The following GPR162 variants were observed in gnomAD, a reference collection of about 807,000 sequenced individuals.
The protein encoded by GPR162 is probable G protein-coupled receptor 162.
A neutral mutation model predicts 44.9 loss-of-function variants in GPR162; 26 were observed. That is an observed-to-expected ratio of 0.58 (90% CI 0.42 to 0.80). The LOEUF is 0.80. GPR162 is among the 30% of genes least tolerant of loss of function. The pLI, the probability that GPR162 is intolerant of heterozygous loss-of-function variation, is 0.00. For missense variants in GPR162, 704 were observed against 802.3 expected (o/e 0.88, Z 1.48); for synonymous variants, 363 against 335.2 (o/e 1.08, Z -0.91).
Position 6,826,791 on chromosome 12 carries a change from C to A in GPR162, c.1354C>A (p.Pro452Thr). The A allele has an allele frequency of 6.2e-7, 1 of 1,609,534 alleles. No individual in the cohort carries two copies. Reference protein sequence around the residue: ...LPAQSRALGGPPEYLGQRHRL... With the variant: ...LPAQSRALGGTPEYLGQRHRL... ...AGCCCAGAGCCGGGCCCTCGGGGGT[C>A]CTCCTGAGTACCTGGGACAAAGACA... The change falls in exon 5 of 5, where the codon CCT becomes ACT. Residue 452 changes from proline to threonine, a missense_variant. Physicochemically the swap from Pro to Thr is conservative, Grantham distance 38 (BLOSUM62 -1). Transcript: ENST00000311268.
In GPR162 at chr12:6,824,100, A is replaced by G; in HGVS notation, c.202A>G (p.Thr68Ala). The part of the protein sequence containing the change: ...THILMAAVPL[T>A]TFAVVQLRRQ... ...CATACTCATGGCAGCTGTGCCCCTC[A>G]CCACCTTTGCCGTGGTGCAGCTGCG... Residue 68 changes from threonine (T) to alanine (A), a missense_variant, in exon 2 of 5, where the codon ACC becomes GCC. Thr to Ala is a moderately conservative substitution (Grantham distance 58, BLOSUM62 0). Coordinates refer to ENST00000311268, the MANE Select transcript of GPR162 (RefSeq NM_019858.2). The G allele has an allele frequency of 6.2e-7, 1 of 1,613,966 alleles. No individual in the cohort carries two copies. Among genetic ancestry groups the G allele is most frequent in the Non-Finnish European group, 8.5e-7 (1 of 1,180,020 alleles).
At position 6,823,582 on chromosome 12, in the gene GPR162, C is replaced by T. The variant is rs1210785565; in HGVS notation, c.-317C>T. 13 of 549,080 alleles carry T rather than the reference C, an allele frequency of 2.4e-5. No homozygotes were observed. Among genetic ancestry groups the T allele is most frequent in the Non-Finnish European group, 2.2e-5 (7 of 311,204 alleles). The allele number at this position is 549,080 out of a possible 1,614,324, so 34.0% of individuals were successfully genotyped here. A position where few individuals can be genotyped will look rare whatever the true frequency, so the allele number is the denominator to read the frequency against. ...GAAGTCCCAGCATGGGGACCAGAAC[C>T]CCCCAGCCAGCCTCATAGTTGGGAA... On this transcript the variant is annotated 5_prime_UTR_variant, in exon 2 of 5. Coordinates refer to ENST00000311268, the MANE Select transcript of GPR162 (RefSeq NM_019858.2).
Position 6,822,851 on chromosome 12 carries a change from T to C in GPR162, c.-431-617T>C, listed in dbSNP as rs1555119387. Among the ~76,000 whole-genome samples the C allele has an allele frequency of 6.6e-6, 1 of 152,064 alleles. No individual in the cohort carries two copies. Among genetic ancestry groups the C allele is most frequent in the African/African-American group, 2.4e-5 (1 of 41,442 alleles). On this transcript the variant is annotated intron_variant, in intron 1 of 4. Coordinates refer to ENST00000311268, the MANE Select transcript of GPR162 (RefSeq NM_019858.2). This position sits in a 1 kb window ranked among gnomAD's most constrained non-coding sequence, Gnocchi z 4.2. Reference sequence around the variant, plus strand: ...CTGCTCAAACTCTCCTCCTTCTCCCTAGTTCCCCCTCTTTCCATTTCTGGA... The same window carrying C: ...CTGCTCAAACTCTCCTCCTTCTCCCCAGTTCCCCCTCTTTCCATTTCTGGA...
In GPR162 at chr12:6,827,148, G is replaced by A; in HGVS notation, c.1711G>A (p.Ala571Thr). The change falls in exon 5 of 5, where the codon GCT (alanine) becomes ACT (threonine). Residue 571 changes from alanine (A) to threonine (T), a missense_variant. By Grantham distance (58) the Ala-to-Thr change is moderately conservative (BLOSUM62 0). Transcript: ENST00000311268. ...GACGGGGGGTGAAGAAAGTGCAAGGGCTTGGGGAGGATCCTGGGGCCCAGG... is the reference window on the plus strand; with the variant it reads ...GACGGGGGGTGAAGAAAGTGCAAGGACTTGGGGAGGATCCTGGGGCCCAGG... ...SLTGGEESAR[A>T]WGGSWGPGNP... is the part of the protein sequence containing the mutation. 1.9e-6 allele frequency: 3 copies of A among 1,613,132 alleles called. No individual in the cohort carries two copies. Among genetic ancestry groups the A allele is most frequent in the Non-Finnish European group, 2.5e-6 (3 of 1,179,950 alleles).
chr12:6,825,299 C>T (rs1457762154), intron 2 of GPR162, 185 bp from the exon 3 acceptor site: 24 of 600,750 alleles, frequency 4.0e-5, no homozygotes, highest in African/African-American at 7.4e-5. Context: ...GCACTCTCCC[C>T]GACCTTCCTC....
In GPR162 at chr12:6,826,874, T is replaced by C. The variant is rs1943367800; in HGVS notation, c.1437T>C (p.Leu479=). 2 of 1,613,092 alleles carry C rather than the reference T, an allele frequency of 1.2e-6. No individual in the cohort carries two copies. The highest frequency in any genetic ancestry group is 1.3e-5 in the African/African-American group (1 of 74,886). The change falls in exon 5 of 5, where the codon CTT becomes CTC. Residue 479 remains leucine, a synonymous_variant. Coordinates refer to ENST00000311268, the MANE Select transcript of GPR162 (RefSeq NM_019858.2). ...CTGAAGGTGGGGGGCTGGCCAGCCT[T>C]CGCCAATTCTTGGAGAGTGGGGTTC... The part of the protein sequence containing the change: ...EEAEGGGLAS[L]RQFLESGVLG...
chr12:6,825,422 A>C, intron 2 of GPR162, 62 bp from the exon 3 acceptor site: 1 of 997,800 alleles, frequency 1.0e-6, no homozygotes, highest in Non-Finnish European at 1.5e-6. Context: ...GCACTAGGAT[A>C]TGGGGTTCAG....
Position 6,823,801 on chromosome 12 carries a change from G to T in GPR162, c.-98G>T, listed in dbSNP as rs2040353. 1.9e-6 allele frequency: 3 copies of T among 1,611,056 alleles called. No homozygotes were observed. The highest frequency in any genetic ancestry group is 2.2e-5 in the South Asian group (2 of 90,732). Reference sequence around the variant, plus strand: ...GCAGCCTGCCTGCTGACAGGGCGAGGATTGTGGGGATCATGGGAGTGTTTG... The same window carrying T: ...GCAGCCTGCCTGCTGACAGGGCGAGTATTGTGGGGATCATGGGAGTGTTTG... On this transcript the variant is annotated 5_prime_UTR_variant, in exon 2 of 5. Transcript: ENST00000311268.
chr12:6,826,632 C>A (rs1555120136), intron 4 of GPR162, 21 bp from the exon 5 acceptor site: 2 of 1,516,212 alleles, frequency 1.3e-6, no homozygotes, highest in Admixed American at 2.3e-5. Context: ...ACCTTCAGGT[C>A]TTACCCGCTC....
chr12:6,827,038 C>G lies in GPR162; in HGVS notation c.1601C>G (p.Ser534Ter), dbSNP rs1234550394. 1 of 1,613,260 alleles carries G rather than the reference C, an allele frequency of 6.2e-7. No homozygotes were observed. Among genetic ancestry groups the G allele is most frequent in the African/African-American group, 1.3e-5 (1 of 74,944 alleles). The change falls in exon 5 of 5, where the codon TCA (serine) becomes TGA (stop). Residue 534 changes from serine (S) to a stop codon, truncating the protein, a stop_gained. Transcript: ENST00000311268. LOFTEE classifies it high-confidence loss of function. ...CGTCGGCCCCGGCCACTGGGCCTCT[C>G]ACCCCGCCGACTCTCCCTTGGGTCC... ...SPRRPRPLGL[S>*]PRRLSLGSPE... is the part of the protein sequence containing the mutation.
Position 6,826,788 on chromosome 12 carries a change from G to T in GPR162, c.1351G>T (p.Gly451Cys), listed in dbSNP as rs1337511133. Residue 451 changes from glycine to cysteine, a missense_variant, in exon 5 of 5, where the codon GGT (glycine) becomes TGT (cysteine). Physicochemically the swap from Gly to Cys is radical, Grantham distance 159 (BLOSUM62 -3). This residue lies in a region of GPR162 where 404 missense variants were observed against 314.1 expected (regional missense o/e 1.29). Transcript: ENST00000311268. ...VLPAQSRALG[G>C]PPEYLGQRHR... The stretch of plus-strand genomic sequence containing the variant: ...CCCAGCCCAGAGCCGGGCCCTCGGG[G>T]GTCCTCCTGAGTACCTGGGACAAAG... 1.4e-5 allele frequency: 23 copies of T among 1,609,388 alleles called. No homozygotes were observed. The highest frequency in any genetic ancestry group is 2.0e-5 in the Non-Finnish European group (23 of 1,177,702).
chr12:6,825,958 A>G (rs1169475591), intron 3 of GPR162, among the ~76,000 whole-genome samples: 2 of 152,144 alleles, frequency 1.3e-5, no homozygotes, highest in Non-Finnish European at 2.9e-5. Context: ...CCCCCCAGCT[A>G]TAGGGACGGC....
Position 6,826,807 on chromosome 12 carries a change from G to T in GPR162, c.1370G>T (p.Gly457Val). ...CTCGGGGGTCCTCCTGAGTACCTGG[G>T]ACAAAGACACAGGTTGGAGGACGAG... ...RALGGPPEYL[G>V]QRHRLEDEED... Residue 457 changes from glycine (G) to valine (V), a missense_variant, in exon 5 of 5, where the codon GGA (glycine) becomes GTA (valine). This residue lies in a region of GPR162 where 404 missense variants were observed against 314.1 expected (regional missense o/e 1.29). Transcript: ENST00000311268. 1.2e-6 allele frequency: 2 copies of T among 1,610,450 alleles called. No individual in the cohort carries two copies. Among genetic ancestry groups the T allele is most frequent in the Non-Finnish European group, 1.7e-6 (2 of 1,178,204 alleles).
rs185620244 is a variant in GPR162, at chr12:6,826,025, C to G, written c.1058-171C>G. 2.0e-5 allele frequency among the ~76,000 whole-genome samples: 3 copies of G among 152,190 alleles called. No homozygotes were observed. The South Asian group carries it at 6.2e-4, about 32-fold the overall frequency. On this transcript the variant is annotated intron_variant, in intron 3 of 4. Transcript: ENST00000311268. ...ACTTCATCTATATGTATGAAGCACTCCACTCAGGATTTAGCACTGAACGCA... is the reference window on the plus strand; with the variant it reads ...ACTTCATCTATATGTATGAAGCACTGCACTCAGGATTTAGCACTGAACGCA...
intron 2 of GPR162, chr12:6,825,051 G>A (rs1182423609): frequency 2.2e-5 from 14 of 630,600 alleles, no homozygotes; most frequent in Admixed American, 4.3e-5. Context: ...CTCCAGCTCC[G>A]TCATCCATCC....
intron 3 of GPR162, 75 bp from the exon 4 acceptor site, chr12:6,826,121 G>A: frequency 1.8e-6 from 2 of 1,132,180 alleles, no homozygotes; most frequent in Non-Finnish European, 2.6e-6. Context: ...GTCTCTGGGA[G>A]CTTATAAAGG....
Position 6,823,755 on chromosome 12 carries a change from A to T in GPR162, c.-144A>T. 1.2e-6 allele frequency: 2 copies of T among 1,613,124 alleles called. No homozygotes were observed. The highest frequency in any genetic ancestry group is 4.5e-5 in the East Asian group (2 of 44,872). ...CAGCTGGGTCCATCATGCAATGCTG[A>T]GCACTGGGGTGAGCCTGGGGGCAGC... On this transcript the variant is annotated 5_prime_UTR_variant, in exon 2 of 5. An upstream open reading frame in the 5' UTR loses its in-frame stop. Coordinates refer to ENST00000311268, the MANE Select transcript of GPR162 (RefSeq NM_019858.2).
At position 6,824,570 on chromosome 12, in the gene GPR162, G is replaced by T. The variant is rs782486950; in HGVS notation, c.672G>T (p.Gly224=). The change falls in exon 2 of 5, where the codon GGG becomes GGT. Residue 224 remains glycine (G), a synonymous_variant. Transcript: ENST00000311268. The part of the protein sequence containing the change: ...RQARRVGGGG[G]TKAGGPGALG... ...CCCGGAGAGTGGGGGGTGGTGGGGG[G>T]ACCAAAGCGGGTGGGCCAGGGGCCT... is the stretch of plus-strand genomic sequence containing the variant. 7 of 1,338,104 alleles carry T rather than the reference G, an allele frequency of 5.2e-6. No homozygotes were observed. Among genetic ancestry groups the T allele is most frequent in the Non-Finnish European group, 7.4e-6 (7 of 951,628 alleles). The allele number at this position is 1,338,104 out of a possible 1,614,324, so 82.9% of individuals were successfully genotyped here.
rs782585258 is a variant in GPR162, at chr12:6,823,850, C to G, written c.-49C>G. 3.8e-6 allele frequency: 6 copies of G among 1,585,474 alleles called. No homozygotes were observed. Among genetic ancestry groups the G allele is most frequent in the Non-Finnish European group, 5.2e-6 (6 of 1,162,754 alleles). ...TGTGAGTGGGGCTCCTGGGTGAGAC[C>G]TAGCCCCCACCCCCACAGAGCTCAA... On this transcript the variant is annotated 5_prime_UTR_variant, in exon 2 of 5. Transcript: ENST00000311268.
Sources: gnomAD v4.1 joint callset for allele counts (sites outside exome capture counted in the v4.1 genomes callset) on GRCh38, gnomAD v4.1.1 for gene constraint, gnomAD v4.1.1 regional missense constraint, Gnocchi (gnomAD v3.1) non-coding constraint, MANE v1.5 for transcripts, NCBI Gene and HGNC (gene_info 2026-07-23, HGNC 2026-07-21) for gene names.